TSC22D2: variants seen among roughly 807,000 people sequenced by gnomAD.
TSC22D2 encodes TSC22 domain family member 2, also known as TSC22 domain family protein 2.
In TSC22D2, 5 loss-of-function variants were observed where a neutral mutation model predicts 50.1. That is an observed-to-expected ratio of 0.10 (90% CI 0.05 to 0.21). The LOEUF (loss-of-function observed/expected upper bound fraction) is 0.21, where lower values mean the gene tolerates loss of function less well. TSC22D2 is among the 10% of genes least tolerant of loss of function. The pLI, the probability that TSC22D2 is intolerant of heterozygous loss-of-function variation, is 1.00. For synonymous variants in TSC22D2, 501 were observed against 450.1 expected (o/e 1.11, Z -1.43); for missense variants, 1,003 against 1,015.5 (o/e 0.99, Z 0.17).
chr3:150,413,420 TAC>T (rs1237941794), intron 1 of TSC22D2, among the ~76,000 whole-genome samples: 1 of 152,206 alleles, frequency 6.6e-6, no homozygotes, highest in Non-Finnish European at 1.5e-5. Flanking sequence ...TGATTTTTGT[TAC>T]AGTCTTTCAT....
In TSC22D2 at chr3:150,411,246, T is replaced by G. The variant is rs1719555219; in HGVS notation, c.1896T>G (p.Pro632=). 1.5e-5 allele frequency: 24 copies of G among 1,614,212 alleles called. No individual in the cohort carries two copies. The highest frequency in any genetic ancestry group is 2.0e-5 in the Non-Finnish European group (24 of 1,180,024). ...DSLANPLQLT[P]MNSLATSVFS... ...TGGCAAACCCCCTTCAGTTAACACC[T>G]ATGAACAGTCTGGCCACCTCTGTAT... is the stretch of plus-strand genomic sequence containing the variant. Residue 632 remains proline, a synonymous_variant, in exon 1 of 3, where the codon CCT becomes CCG. Coordinates refer to ENST00000688009, the MANE Select transcript of TSC22D2 (RefSeq NM_001303264.2).
intron 1 of TSC22D2, among the ~76,000 whole-genome samples, chr3:150,426,518 G>C (rs1354071703): frequency 2.0e-5 from 3 of 152,092 alleles, no homozygotes; most frequent in African/African-American, 7.2e-5. Flanking sequence ...TAAATACCAG[G>C]TCACTAAAGT....
At chr3:150,436,164 A>G (rs1031299641) in intron 1 of TSC22D2, among the ~76,000 whole-genome samples, 3 of 152,166 alleles carry the variant, frequency 2.0e-5, no homozygotes, top group African/African-American at 7.2e-5. Flanking sequence ...TAACTTTTGT[A>G]TCTTTTAAAA....
intron 1 of TSC22D2, among the ~76,000 whole-genome samples, chr3:150,415,179 C>T (rs868834532): frequency 6.6e-6 from 1 of 152,048 alleles, no homozygotes; most frequent in East Asian, 1.9e-4. Flanking sequence ...AAAAGGCTTA[C>T]GATTTTCCAA....
intron 1 of TSC22D2, among the ~76,000 whole-genome samples, chr3:150,427,060 A>G (rs1055013941): frequency 2.0e-5 from 3 of 152,016 alleles, no homozygotes; most frequent in Non-Finnish European, 4.4e-5. Context: ...GAGACAATTT[A>G]TTTTGTTTTG....
rs750218360 is a variant in TSC22D2 at position 150,410,180 on chromosome 3, C to T, written c.830C>T (p.Pro277Leu). The change falls in exon 1 of 3, where the codon CCG becomes CTG. Residue 277 changes from proline (P) to leucine (L), a missense_variant. This residue lies in a region of TSC22D2 where 696 missense variants were observed against 647.8 expected (regional missense o/e 1.07). Coordinates refer to ENST00000688009, the MANE Select transcript of TSC22D2 (RefSeq NM_001303264.2). ...QSFSVGQPQP[P>L]PPPVGGAVAQ... is the part of the protein sequence containing the mutation. Reference sequence around the variant, plus strand: ...TTTAGCGTTGGGCAGCCACAGCCGCCGCCGCCACCCGTAGGTGGGGCTGTG... The same window carrying T: ...TTTAGCGTTGGGCAGCCACAGCCGCTGCCGCCACCCGTAGGTGGGGCTGTG... 6.2e-7 allele frequency: 1 copy of T among 1,608,058 alleles called. No homozygotes were observed. Among genetic ancestry groups the T allele is most frequent in the African/African-American group, 1.3e-5 (1 of 74,976 alleles).
At chr3:150,419,811 A>G (rs1283899431) in intron 1 of TSC22D2, among the ~76,000 whole-genome samples, 4 of 152,190 alleles carry the variant, frequency 2.6e-5, no homozygotes, top group African/African-American at 9.6e-5. Flanking sequence ...ATGTTAAAGA[A>G]TATTTACAAA....
At chr3:150,422,610 C>T (rs2108070525) in intron 1 of TSC22D2, among the ~76,000 whole-genome samples, 1 of 152,118 alleles carries the variant, frequency 6.6e-6, no homozygotes, top group East Asian at 1.9e-4. Flanking sequence ...TTTAACAGAG[C>T]CTAAGAAAAG....
In TSC22D2 at chr3:150,408,938, T is replaced by A; in HGVS notation, c.-413T>A. The A allele has an allele frequency of 6.2e-6, 1 of 161,538 alleles. No homozygotes were observed. 10.0% of individuals were successfully genotyped at this position (161,538 alleles called of 1,614,324 possible). On this transcript the variant is annotated 5_prime_UTR_variant, in exon 1 of 3. Coordinates refer to ENST00000688009, the MANE Select transcript of TSC22D2 (RefSeq NM_001303264.2). ...CTCCTCCTCCTCTTCGCCCTCCCAC[T>A]CCCACCCCCAGCCAAGGCCTGCTGA...
intron 1 of TSC22D2, among the ~76,000 whole-genome samples, chr3:150,455,573 A>G (rs1381789129): frequency 6.6e-6 from 1 of 152,218 alleles, no homozygotes; most frequent in African/African-American, 2.4e-5. Flanking sequence ...CATTGACATC[A>G]ACCCCTTGTT....
At chr3:150,422,948 AC>A in intron 1 of TSC22D2, 1 of 783,220 alleles carries the variant, frequency 1.3e-6, no homozygotes, top group Non-Finnish European at 2.0e-6. Context: ...ATTAAAAGTT[AC>A]ACTGTATTAG....
chr3:150,464,887 T>C lies in TSC22D2; in HGVS notation c.*6251T>C, dbSNP rs1410744456. 1.3e-5 allele frequency: 2 copies of C among 152,200 alleles called. No individual in the cohort carries two copies. The highest frequency in any genetic ancestry group is 4.8e-5 in the African/African-American group (2 of 41,460). The allele number at this position is 152,200 out of a possible 1,614,324, so 9.4% of individuals were successfully genotyped here. On this transcript the variant is annotated 3_prime_UTR_variant, in exon 3 of 3. Transcript: ENST00000688009. Reference sequence around the variant, plus strand: ...TGATTTAAATCAAAGTTAACTAGAATAGGATTCATGTGTCATGAATTATAT... The same window carrying C: ...TGATTTAAATCAAAGTTAACTAGAACAGGATTCATGTGTCATGAATTATAT...
chr3:150,433,865 A>G (rs777273520), intron 1 of TSC22D2, among the ~76,000 whole-genome samples: 1 of 152,174 alleles, frequency 6.6e-6, no homozygotes, highest in Admixed American at 6.5e-5. Context: ...GCTTGAGCTC[A>G]GGAGTTTGAG....
intron 1 of TSC22D2, among the ~76,000 whole-genome samples, chr3:150,412,537 T>C (rs2108058893): frequency 6.6e-6 from 1 of 152,348 alleles, no homozygotes; most frequent in Non-Finnish European, 1.5e-5. Flanking sequence ...CTTCTGTTGG[T>C]TTGAAAAATA....
intron 1 of TSC22D2, among the ~76,000 whole-genome samples, chr3:150,424,165 A>G (rs1720098778): frequency 6.6e-6 from 1 of 152,198 alleles, no homozygotes; most frequent in Non-Finnish European, 1.5e-5. Flanking sequence ...AGTTACTTTT[A>G]GAACAGGAAG....
At chr3:150,457,410 C>G (rs1559852551) in intron 2 of TSC22D2, among the ~76,000 whole-genome samples, 1 of 152,070 alleles carries the variant, frequency 6.6e-6, no homozygotes, top group Non-Finnish European at 1.5e-5. Flanking sequence ...ACAATATGTT[C>G]CCCAGATATT....
chr3:150,438,574 AAG>A (rs1214291699), intron 1 of TSC22D2, among the ~76,000 whole-genome samples: 2 of 152,342 alleles, frequency 1.3e-5, no homozygotes, highest in African/African-American at 4.8e-5. Context: ...AGTTTAAAAA[AAG>A]AAAGTGAAAT....
chr3:150,450,575 A>C (rs1246514304), intron 1 of TSC22D2, among the ~76,000 whole-genome samples: 1 of 152,074 alleles, frequency 6.6e-6, no homozygotes, highest in Non-Finnish European at 1.5e-5. Context: ...ACTTCACCCA[A>C]GTTTTATTCT....
Position 150,460,491 on chromosome 3 carries a change from A to T in TSC22D2, c.*1855A>T, listed in dbSNP as rs1470641630. 6.6e-6 allele frequency: 1 copy of T among 152,256 alleles called. No individual in the cohort carries two copies. The highest frequency in any genetic ancestry group is 1.5e-5 in the Non-Finnish European group (1 of 68,044). The allele number at this position is 152,256 out of a possible 1,614,324, so 9.4% of individuals were successfully genotyped here. A position where few individuals can be genotyped will look rare whatever the true frequency, so the allele number is the denominator to read the frequency against. On this transcript the variant is annotated 3_prime_UTR_variant, in exon 3 of 3. Transcript: ENST00000688009. ...CAGATTAGCCACAAACAAACAAGGC[A>T]TAAAATTGGGATGTACATGAGATTG...
Sources: allele counts gnomAD v4.1 joint callset (sites outside exome capture counted in the v4.1 genomes callset), GRCh38; gene constraint gnomAD v4.1.1; regional missense constraint gnomAD v4.1.1; transcripts MANE v1.5; gene names NCBI Gene and HGNC (gene_info 2026-07-23, HGNC 2026-07-21).